The following BCKDHB variants were observed in gnomAD, a reference collection of about 807,000 sequenced individuals.
The protein encoded by BCKDHB is branched chain keto acid dehydrogenase E1 subunit beta, also known as 2-oxoisovalerate dehydrogenase subunit beta, mitochondrial.
A neutral mutation model predicts 48.5 loss-of-function variants in BCKDHB; 41 were observed. The observed-to-expected ratio is 0.85, with a 90% CI of 0.66 to 1.10. BCKDHB has a LOEUF of 1.10. Ranked by LOEUF, BCKDHB falls within the 50% of genes least tolerant of loss-of-function variation. BCKDHB has a pLI of 0.00. For missense variants in BCKDHB, 496 were observed against 494.2 expected (o/e 1.00, Z -0.03); for synonymous variants, 201 against 174.8 (o/e 1.15, Z -1.18).
intron 9 of BCKDHB, among the ~76,000 whole-genome samples, chr6:80,301,883 A>G (rs1157265670): frequency 2.6e-5 from 4 of 152,220 alleles, no homozygotes; most frequent in African/African-American, 7.2e-5. Flanking sequence ...AAACAGAACT[A>G]AAAGAATTAC....
Position 80,239,585 on chromosome 6 carries a change from G to A in BCKDHB, c.952-33550G>A, listed in dbSNP as rs540554760. Among the ~76,000 whole-genome samples the A allele has an allele frequency of 5.6e-4, 85 of 152,228 alleles. 1 individual carries two copies. Among genetic ancestry groups the A allele is most frequent in the African/African-American group, 2.0e-3 (81 of 41,512 alleles). On this transcript the variant is annotated intron_variant, in intron 8 of 9. Transcript: ENST00000320393. Reference sequence around the variant, plus strand: ...CACTCTGATGGTAGTCTCCTTTGCTGTGCAGAAGCTCTTTAGTTTAATTAG... The same window carrying A: ...CACTCTGATGGTAGTCTCCTTTGCTATGCAGAAGCTCTTTAGTTTAATTAG...
chr6:80,319,281 T>C (rs1309923135), intron 9 of BCKDHB, among the ~76,000 whole-genome samples: 2 of 152,216 alleles, frequency 1.3e-5, no homozygotes, highest in Non-Finnish European at 2.9e-5. Context: ...TATGTGGGCT[T>C]ATATGAATTT....
At chr6:80,301,758 C>G (rs1240706935) in intron 9 of BCKDHB, among the ~76,000 whole-genome samples, 1 of 152,086 alleles carries the variant, frequency 6.6e-6, no homozygotes, top group African/African-American at 2.4e-5. Context: ...AGAATACTAG[C>G]AAACCGAATT....
the BCKDHB span, among the ~76,000 whole-genome samples, chr6:80,409,649 G>C: frequency 9.5e-6 from 1 of 105,560 alleles, no homozygotes; most frequent in African/African-American, 3.3e-5. Context: ...AGTTCTTCTT[G>C]TTGAATTGCT....
At chr6:80,342,907 A>G (rs1769991729) in intron 9 of BCKDHB, among the ~76,000 whole-genome samples, 1 of 152,194 alleles carries the variant, frequency 6.6e-6, no homozygotes, top group Non-Finnish European at 1.5e-5. Flanking sequence ...CTCTAGCCTC[A>G]TGGGACTCAT....
At chr6:80,430,645 G>A in the BCKDHB span, among the ~76,000 whole-genome samples, 1 of 152,038 alleles carries the variant, frequency 6.6e-6, no homozygotes. Context: ...AGTTTGTATT[G>A]CTGTGGGATC....
At chr6:80,120,726 A>G (rs1769963798) in intron 1 of BCKDHB, among the ~76,000 whole-genome samples, 2 of 151,920 alleles carry the variant, frequency 1.3e-5, no homozygotes. Context: ...TTTTTCTTGT[A>G]AATTTGTTTG....
intron 1 of BCKDHB, among the ~76,000 whole-genome samples, chr6:80,117,923 G>A (rs578049596): frequency 4.6e-5 from 7 of 152,134 alleles, no homozygotes; most frequent in Admixed American, 2.0e-4. Context: ...CTCTAACACC[G>A]CTGGGTTAGT....
the BCKDHB span, among the ~76,000 whole-genome samples, chr6:80,408,095 G>A: frequency 3.9e-5 from 6 of 152,164 alleles, no homozygotes; most frequent in Admixed American, 3.9e-4. Context: ...GGCCTTTTCT[G>A]CATCTGTTGA....
chr6:80,216,377 T>C (rs1025996349), intron 8 of BCKDHB, among the ~76,000 whole-genome samples: 11 of 152,364 alleles, frequency 7.2e-5, no homozygotes, highest in Non-Finnish European at 1.5e-4. Flanking sequence ...TATAAAGATA[T>C]GTGTTTTACA....
At chr6:80,149,424 A>T (rs1455371405) in intron 3 of BCKDHB, among the ~76,000 whole-genome samples, 1 of 152,178 alleles carries the variant, frequency 6.6e-6, no homozygotes, top group Non-Finnish European at 1.5e-5. Flanking sequence ...TTCCTCAGGG[A>T]CCTAGAACTA....
chr6:80,249,458 A>G (rs1205560683), intron 8 of BCKDHB, among the ~76,000 whole-genome samples: 1 of 152,188 alleles, frequency 6.6e-6, no homozygotes, highest in African/African-American at 2.4e-5. Flanking sequence ...AAAAGTACAG[A>G]TAGCTGCTAG....
chr6:80,321,477 A>G (rs1245104331), intron 9 of BCKDHB, among the ~76,000 whole-genome samples: 2 of 152,190 alleles, frequency 1.3e-5, no homozygotes, highest in Non-Finnish European at 2.9e-5. Flanking sequence ...ACAAGTTGCC[A>G]TCATGTGGTC....
intron 8 of BCKDHB, among the ~76,000 whole-genome samples, chr6:80,234,337 G>T (rs1776057075): frequency 6.6e-6 from 1 of 152,154 alleles, no homozygotes; most frequent in South Asian, 2.1e-4. Context: ...TTAGAACAAT[G>T]TGCTAGGTAG....
intron 6 of BCKDHB, among the ~76,000 whole-genome samples, chr6:80,173,816 T>C (rs1358613537): frequency 1.3e-5 from 2 of 151,654 alleles, no homozygotes; most frequent in Non-Finnish European, 2.9e-5. Flanking sequence ...TTTTTTTTTT[T>C]TGGATCTTCT....
intron 6 of BCKDHB, among the ~76,000 whole-genome samples, chr6:80,178,431 AC>A (rs1315604480): frequency 6.6e-6 from 1 of 152,240 alleles, no homozygotes; most frequent in Non-Finnish European, 1.5e-5. Context: ...CGTTAATAGC[AC>A]AATAAACTGC....
At chr6:80,336,142 A>G (rs1769581542) in intron 9 of BCKDHB, among the ~76,000 whole-genome samples, 1 of 151,948 alleles carries the variant, frequency 6.6e-6, no homozygotes, top group Non-Finnish European at 1.5e-5. Context: ...CTCTAAATTA[A>G]TACATAAATT....
the BCKDHB span, among the ~76,000 whole-genome samples, chr6:80,397,684 C>A: frequency 6.6e-6 from 1 of 152,132 alleles, no homozygotes. Flanking sequence ...GAGTTTGAGA[C>A]CAGCTTGTCC....
intron 9 of BCKDHB, among the ~76,000 whole-genome samples, chr6:80,294,867 A>C (rs11966262): frequency 6.7e-6 from 1 of 149,982 alleles, no homozygotes; most frequent in Non-Finnish European, 1.5e-5. Context: ...TGTGACCTTT[A>C]TTGGACCCTT....
Sources: allele counts gnomAD v4.1 joint callset (sites outside exome capture counted in the v4.1 genomes callset), GRCh38; gene constraint gnomAD v4.1.1; transcripts MANE v1.5; gene names NCBI Gene and HGNC (gene_info 2026-07-23, HGNC 2026-07-21).